Variants in TMCC1 observed in about 807,000 individuals in gnomAD.
The protein encoded by TMCC1 is transmembrane and coiled-coil domains protein 1.
Under a neutral mutation model 52.4 loss-of-function variants are expected in TMCC1, and 15 were observed. The ratio of observed to expected loss-of-function variants is 0.29; its 90% CI spans 0.19 to 0.44. The LOEUF (loss-of-function observed/expected upper bound fraction) is 0.44. Ranked by LOEUF, TMCC1 falls within the 20% of genes least tolerant of loss-of-function variation. The probability of loss-of-function intolerance (pLI) is 1.00; values close to 1 mark genes in which losing one functional copy is unlikely to be tolerated. For synonymous variants in TMCC1, 279 were observed against 301.9 expected, an observed-to-expected ratio of 0.92 and a Z score of 0.79; for missense variants, 503 against 806.0, an observed-to-expected ratio of 0.62 and a Z score of 4.55.
chr3:129,756,107 AAAAAAAAAG>A (rs199786826), intron 4 of TMCC1, among the ~76,000 whole-genome samples: 79 of 125,840 alleles, frequency 6.3e-4, no homozygotes, highest in Admixed American at 3.7e-3. Flanking sequence ...CAAGAAAAAA[AAAAAAAAAG>A]AAAAAAAAAG....
chr3:129,883,761 T>C (rs1020495536), intron 1 of TMCC1, among the ~76,000 whole-genome samples: 2 of 152,104 alleles, frequency 1.3e-5, no homozygotes, highest in African/African-American at 4.8e-5. Flanking sequence ...GATCAATCAC[T>C]TGAGGCCAGG....
At chr3:129,812,478 A>C (rs2057875094) in intron 4 of TMCC1, among the ~76,000 whole-genome samples, 1 of 152,058 alleles carries the variant, frequency 6.6e-6, no homozygotes, top group African/African-American at 2.4e-5. Flanking sequence ...TACTCAAATC[A>C]AATCTCTGGT....
chr3:129,839,354 A>T (rs2059318849), intron 2 of TMCC1, among the ~76,000 whole-genome samples: 1 of 152,202 alleles, frequency 6.6e-6, no homozygotes, highest in Admixed American at 6.5e-5. Flanking sequence ...AGGTTATTTT[A>T]AAATGTATAA....
At chr3:129,790,343 A>C (rs2056366323) in intron 4 of TMCC1, among the ~76,000 whole-genome samples, 1 of 152,218 alleles carries the variant, frequency 6.6e-6, no homozygotes, top group Non-Finnish European at 1.5e-5. Context: ...AAATGTTCAT[A>C]TTTGTTTACG....
At chr3:129,725,429 T>C (rs181854524) in intron 4 of TMCC1, among the ~76,000 whole-genome samples, 156 of 152,212 alleles carry the variant, frequency 1.0e-3, no homozygotes, top group African/African-American at 3.4e-3. Flanking sequence ...ATTTCTAATA[T>C]AATTTTTTCA....
At chr3:129,874,871 T>G (rs72987391) in intron 2 of TMCC1, among the ~76,000 whole-genome samples, 2 of 151,992 alleles carry the variant, frequency 1.3e-5, no homozygotes, top group African/African-American at 4.8e-5. Flanking sequence ...ATAAATAAAA[T>G]AAAATGAAAA....
chr3:129,711,838 A>AAT (rs1342916759), intron 4 of TMCC1, among the ~76,000 whole-genome samples: 2 of 149,148 alleles, frequency 1.3e-5, no homozygotes, highest in Non-Finnish European at 3.0e-5. Flanking sequence ...AAAAAAAAAA[A>AAT]AAAAAATACA....
chr3:129,874,837 G>A (rs1176990846), intron 2 of TMCC1, among the ~76,000 whole-genome samples: 1 of 152,032 alleles, frequency 6.6e-6, no homozygotes, highest in African/African-American at 2.4e-5. Context: ...AGCTGAGCAA[G>A]AGCAAGACCC....
intron 4 of TMCC1, among the ~76,000 whole-genome samples, chr3:129,715,990 G>A (rs1253882154): frequency 6.6e-6 from 1 of 151,800 alleles, no homozygotes; most frequent in Non-Finnish European, 1.5e-5. Flanking sequence ...CTTTAGAAAT[G>A]CAATTATAAC....
chr3:129,817,719 C>G (rs1251470955), intron 4 of TMCC1, among the ~76,000 whole-genome samples: 3 of 152,024 alleles, frequency 2.0e-5, no homozygotes, highest in African/African-American at 7.2e-5. Flanking sequence ...GAGATCTCTG[C>G]TCACTGCAAC....
At chr3:129,747,764 C>A (rs1451804079) in intron 4 of TMCC1, among the ~76,000 whole-genome samples, 6 of 152,102 alleles carry the variant, frequency 3.9e-5, no homozygotes, top group Non-Finnish European at 5.9e-5. Flanking sequence ...TGAATCCGAC[C>A]CCTTATCATC....
At chr3:129,723,178 G>T (rs2049769110) in intron 4 of TMCC1, among the ~76,000 whole-genome samples, 1 of 152,226 alleles carries the variant, frequency 6.6e-6, no homozygotes, top group South Asian at 2.1e-4. Context: ...GAAAATGGTG[G>T]TTGTGTTGAA....
At chr3:129,748,433 G>A (rs1266624792) in intron 4 of TMCC1, among the ~76,000 whole-genome samples, 3 of 152,012 alleles carry the variant, frequency 2.0e-5, no homozygotes, top group South Asian at 4.2e-4. Context: ...GATTACAGGC[G>A]CCTGCCATCA....
intron 2 of TMCC1, among the ~76,000 whole-genome samples, chr3:129,856,915 G>GA (rs560740645): frequency 1.3e-5 from 2 of 151,954 alleles, no homozygotes; most frequent in Non-Finnish European, 2.9e-5. Context: ...ACCAGCAAAC[G>GA]AGACATGGGA....
intron 4 of TMCC1, among the ~76,000 whole-genome samples, chr3:129,738,867 G>A (rs1237126110): frequency 2.0e-5 from 3 of 152,260 alleles, no homozygotes; most frequent in Admixed American, 2.0e-4. Context: ...CACCCAGCCT[G>A]GAGTGCAATG....
chr3:129,798,242 C>T (rs1187454880), intron 4 of TMCC1, among the ~76,000 whole-genome samples: 2 of 151,932 alleles, frequency 1.3e-5, no homozygotes, highest in East Asian at 1.9e-4. Flanking sequence ...GTGATCCGCC[C>T]GCTCAGCCTC....
rs1560119187 is a variant in TMCC1, at chr3:129,655,072, G to C, written c.1543C>G (p.Leu515Val). Residue 515 changes from leucine to valine, a missense_variant, in exon 6 of 7, where the codon CTA becomes GTA. This residue lies in a region of TMCC1 where 121 missense variants were observed against 193.6 expected (regional missense o/e 0.62). Coordinates refer to ENST00000393238, the MANE Select transcript of TMCC1 (RefSeq NM_001017395.5). ...CERLEEQLNDLTELHQNEILN... is the reference protein window; with the variant it reads ...CERLEEQLNDVTELHQNEILN... ...ATTTCATTCTGGTGGAGCTCTGTTA[G>C]GTCATTTAGCTGTTCTTCCAATCGT... The C allele has an allele frequency of 1.2e-6, 2 of 1,613,990 alleles. No individual in the cohort carries two copies. Among genetic ancestry groups the C allele is most frequent in the Non-Finnish European group, 1.7e-6 (2 of 1,180,000 alleles).
At chr3:129,656,731 T>C (rs1259574117) in intron 5 of TMCC1, 1 of 152,230 alleles carries the variant, frequency 6.6e-6, no homozygotes, top group African/African-American at 2.4e-5. Flanking sequence ...CCTTCTTTTA[T>C]GCTGAAACTC....
chr3:129,781,086 T>C (rs1253993293), intron 4 of TMCC1, among the ~76,000 whole-genome samples: 5 of 152,116 alleles, frequency 3.3e-5, no homozygotes, highest in Admixed American at 3.3e-4. Context: ...CAAAACCTCT[T>C]ACCACACTAT....
Sources: allele counts gnomAD v4.1 joint callset (sites outside exome capture counted in the v4.1 genomes callset), GRCh38; gene constraint gnomAD v4.1.1; regional missense constraint gnomAD v4.1.1; transcripts MANE v1.5; gene names NCBI Gene and HGNC (gene_info 2026-07-23, HGNC 2026-07-21).